The following SPOCK3 variants were observed in gnomAD, a reference collection of about 807,000 sequenced individuals.
SPOCK3 encodes the protein testican-3.
A neutral mutation model predicts 56.6 loss-of-function variants in SPOCK3; 30 were observed. That is an observed-to-expected ratio of 0.53 (90% CI 0.40 to 0.72). The LOEUF is 0.72. Among genes scored for constraint, SPOCK3 ranks in the 30% least tolerant of loss-of-function variants. The probability of loss-of-function intolerance (pLI) is 0.00; values close to 1 mark genes in which losing one functional copy is unlikely to be tolerated. For synonymous variants in SPOCK3, 196 were observed against 183.3 expected, an observed-to-expected ratio of 1.07 and a Z score of -0.56; for missense variants, 527 against 530.0, an observed-to-expected ratio of 0.99 and a Z score of 0.06.
At chr4:167,182,398 C>T (rs1013257665) in intron 2 of SPOCK3, among the ~76,000 whole-genome samples, 5 of 73,774 alleles carry the variant, frequency 6.8e-5, no homozygotes, top group African/African-American at 2.6e-4. Context: ...TCCTTAAAGA[C>T]AAAAGAAAGA....
At chr4:166,908,222 G>T (rs890811047) in intron 5 of SPOCK3, among the ~76,000 whole-genome samples, 24 of 150,712 alleles carry the variant, frequency 1.6e-4, no homozygotes, top group Non-Finnish European at 3.4e-4. Flanking sequence ...GAAAGTTTTT[G>T]AATTGTAATA....
chr4:167,144,213 T>C (rs968321432), intron 2 of SPOCK3, among the ~76,000 whole-genome samples: 64 of 152,094 alleles, frequency 4.2e-4, no homozygotes, highest in African/African-American at 1.5e-3. Flanking sequence ...AAACAGTCTA[T>C]TTTCTCTACT....
At chr4:167,105,987 C>A (rs922228632) in intron 2 of SPOCK3, among the ~76,000 whole-genome samples, 11 of 151,810 alleles carry the variant, frequency 7.2e-5, no homozygotes, top group Non-Finnish European at 1.6e-4. Context: ...ATACATAAAG[C>A]AAATATTATT....
chr4:167,114,843 C>G (rs1761196290), intron 2 of SPOCK3, among the ~76,000 whole-genome samples: 1 of 151,798 alleles, frequency 6.6e-6, no homozygotes, highest in Non-Finnish European at 1.5e-5. Context: ...GTGTCTCATT[C>G]AGAGTTGCTA....
chr4:166,822,497 C>T (rs1195548598), intron 6 of SPOCK3, among the ~76,000 whole-genome samples: 1 of 152,032 alleles, frequency 6.6e-6, no homozygotes, highest in Non-Finnish European at 1.5e-5. Flanking sequence ...CCCATAGAAG[C>T]AGTTTCATAA....
At chr4:167,222,416 G>A (rs945754652) in intron 2 of SPOCK3, among the ~76,000 whole-genome samples, 3 of 150,302 alleles carry the variant, frequency 2.0e-5, no homozygotes, top group African/African-American at 4.9e-5. Context: ...ACTTAAAAAT[G>A]GCTAATATAG....
intron 8 of SPOCK3, among the ~76,000 whole-genome samples, chr4:166,746,898 T>A (rs1469297347): frequency 3.3e-5 from 5 of 152,108 alleles, no homozygotes; most frequent in Non-Finnish European, 7.3e-5. Flanking sequence ...AATGCATAAA[T>A]TCCTGGACAC....
intron 2 of SPOCK3, among the ~76,000 whole-genome samples, chr4:167,088,838 T>G (rs1758446639): frequency 6.6e-6 from 1 of 152,194 alleles, no homozygotes; most frequent in Admixed American, 6.6e-5. Context: ...AGCTAGTACC[T>G]ACATTCGATG....
At chr4:166,754,174 G>T in intron 8 of SPOCK3, 3 of 1,025,424 alleles carry the variant, frequency 2.9e-6, no homozygotes, top group Non-Finnish European at 2.3e-6. Context: ...TACATTGTGG[G>T]CAAAGCAGAT....
At chr4:166,958,137 T>C (rs1561056240) in intron 4 of SPOCK3, among the ~76,000 whole-genome samples, 1 of 152,128 alleles carries the variant, frequency 6.6e-6, no homozygotes, top group East Asian at 1.9e-4. Flanking sequence ...TTCTCATGAA[T>C]GGTTTAACAC....
At chr4:166,919,993 T>C (rs1182872308) in intron 4 of SPOCK3, among the ~76,000 whole-genome samples, 1 of 152,166 alleles carries the variant, frequency 6.6e-6, no homozygotes, top group Non-Finnish European at 1.5e-5. Flanking sequence ...TATTACATTG[T>C]TTATCATTTT....
chr4:167,164,428 C>CT (rs915450644), intron 2 of SPOCK3, among the ~76,000 whole-genome samples: 2 of 151,746 alleles, frequency 1.3e-5, no homozygotes, highest in Non-Finnish European at 2.9e-5. Context: ...ATCACAAATT[C>CT]TTTTTTTTAA....
At chr4:167,107,311 A>C (rs780998706) in intron 2 of SPOCK3, among the ~76,000 whole-genome samples, 1 of 151,962 alleles carries the variant, frequency 6.6e-6, no homozygotes, top group Non-Finnish European at 1.5e-5. Flanking sequence ...GTCATGACCA[A>C]GTGGGATTTA....
chr4:167,152,490 A>T (rs1458823318), intron 2 of SPOCK3, among the ~76,000 whole-genome samples: 1 of 152,224 alleles, frequency 6.6e-6, no homozygotes, highest in East Asian at 1.9e-4. Context: ...GAGTAGCATC[A>T]CTGAACACTC....
Position 167,083,062 on chromosome 4 carries a change from T to C in SPOCK3, c.190-20525A>G, listed in dbSNP as rs549915444. 6.6e-5 allele frequency among the ~76,000 whole-genome samples: 10 copies of C among 152,188 alleles called. No individual in the cohort carries two copies. In the South Asian group the frequency reaches 2.1e-3, roughly 32 times the overall value. ...AGAACATTCATTTCAGACAACGTCG[T>C]TGTAAAAACTTCAAAATACCAAAGA... On this transcript the variant is annotated intron_variant, in intron 2 of 10. Coordinates refer to ENST00000357545, the MANE Select transcript of SPOCK3 (RefSeq NM_001040159.2).
At chr4:167,183,979 C>T (rs1487338439) in intron 2 of SPOCK3, among the ~76,000 whole-genome samples, 1 of 152,018 alleles carries the variant, frequency 6.6e-6, no homozygotes, top group Non-Finnish European at 1.5e-5. Flanking sequence ...TATTTGAAGC[C>T]CAAATGGTTC....
intron 3 of SPOCK3, among the ~76,000 whole-genome samples, chr4:167,013,366 G>T (rs1309052736): frequency 6.6e-6 from 1 of 151,358 alleles, no homozygotes; most frequent in East Asian, 1.9e-4. Flanking sequence ...TCTTTGGTTT[G>T]CTACCATTTG....
intron 6 of SPOCK3, among the ~76,000 whole-genome samples, chr4:166,813,970 G>C (rs1744116604): frequency 6.6e-6 from 1 of 152,000 alleles, no homozygotes; most frequent in Non-Finnish European, 1.5e-5. Flanking sequence ...ACATCAAATT[G>C]ATGGTAAAAC....
chr4:166,997,240 G>T (rs1352645934), intron 4 of SPOCK3, among the ~76,000 whole-genome samples: 1 of 151,936 alleles, frequency 6.6e-6, no homozygotes, highest in Non-Finnish European at 1.5e-5. Context: ...AGGCTGATAG[G>T]TGCAGTAAAC....
Sources: gnomAD v4.1 joint callset for allele counts (sites outside exome capture counted in the v4.1 genomes callset) on GRCh38, gnomAD v4.1.1 for gene constraint, MANE v1.5 for transcripts, NCBI Gene and HGNC (gene_info 2026-07-23, HGNC 2026-07-21) for gene names.